Variants in DOCK3 observed in about 807,000 individuals in gnomAD.
DOCK3 encodes dedicator of cytokinesis 3, also known as dedicator of cytokinesis protein 3.
DOCK3 carries 60 observed loss-of-function variants against 265.6 expected under a neutral mutation model. The observed-to-expected ratio is 0.23, with a 90% CI of 0.18 to 0.28. DOCK3 has a LOEUF of 0.28. DOCK3 is among the 10% of genes least tolerant of loss of function. The pLI, the probability that DOCK3 is intolerant of heterozygous loss-of-function variation, is 1.00. For synonymous variants in DOCK3, 881 were observed against 938.0 expected (o/e 0.94, Z 1.11); for missense variants, 1,981 against 2,594.3 (o/e 0.76, Z 5.14).
intron 5 of DOCK3, among the ~76,000 whole-genome samples, chr3:51,046,705 A>G (rs1272278846): frequency 6.6e-6 from 1 of 152,156 alleles, no homozygotes; most frequent in African/African-American, 2.4e-5. Flanking sequence ...AGCAGTCCTG[A>G]ACAACAGTAT....
intron 5 of DOCK3, among the ~76,000 whole-genome samples, chr3:51,033,902 G>A (rs1282467247): frequency 6.6e-6 from 1 of 152,136 alleles, no homozygotes; most frequent in Non-Finnish European, 1.5e-5. Context: ...TAAGCTTTTT[G>A]TAAAGCATCA....
intron 21 of DOCK3, among the ~76,000 whole-genome samples, chr3:51,245,902 C>T (rs986750865): frequency 7.9e-5 from 12 of 152,012 alleles, no homozygotes; most frequent in East Asian, 3.9e-4. Context: ...TTGAAAAGAA[C>T]GTGACACAGG....
At chr3:50,907,510 G>A (rs1421651634) in intron 4 of DOCK3, among the ~76,000 whole-genome samples, 2 of 152,024 alleles carry the variant, frequency 1.3e-5, no homozygotes, top group East Asian at 3.9e-4. Context: ...TTATGTAATA[G>A]CCTTCTTTGT....
chr3:51,245,493 C>T lies in DOCK3; in HGVS notation c.2103-1233C>T, dbSNP rs144430954. On this transcript the variant is annotated intron_variant, in intron 21 of 52. Coordinates refer to ENST00000266037, the MANE Select transcript of DOCK3 (RefSeq NM_004947.5). ...GCAACCTCCGCCTCCTGGGTTCACACGATTCTTCTGCCTCAGCTTCCCAAG... is the reference window on the plus strand; with the variant it reads ...GCAACCTCCGCCTCCTGGGTTCACATGATTCTTCTGCCTCAGCTTCCCAAG... Among the ~76,000 whole-genome samples, 66 of 150,628 alleles carry T rather than the reference C, an allele frequency of 4.4e-4. No homozygotes were observed. In the East Asian group the frequency reaches 9.1e-3, roughly 21 times the overall value.
At chr3:51,198,500 C>T (rs959481619) in intron 12 of DOCK3, among the ~76,000 whole-genome samples, 2 of 150,108 alleles carry the variant, frequency 1.3e-5, no homozygotes, top group African/African-American at 4.9e-5. Context: ...GCCACTTGGG[C>T]CTCTTAGAGC....
At chr3:51,194,215 A>G (rs1057207230) in intron 12 of DOCK3, among the ~76,000 whole-genome samples, 1 of 152,008 alleles carries the variant, frequency 6.6e-6, no homozygotes, top group African/African-American at 2.4e-5. Context: ...GTAGTTTCCA[A>G]AGTTCCTCTT....
intron 1 of DOCK3, among the ~76,000 whole-genome samples, chr3:50,744,181 A>C (rs2675802): frequency 6.6e-6 from 1 of 152,120 alleles, no homozygotes; most frequent in Non-Finnish European, 1.5e-5. Flanking sequence ...ATATGAAAAC[A>C]TTATAAGACA....
At chr3:51,269,341 G>T (rs1342860319) in intron 23 of DOCK3, among the ~76,000 whole-genome samples, 1 of 151,924 alleles carries the variant, frequency 6.6e-6, no homozygotes, top group Non-Finnish European at 1.5e-5. Context: ...GAGAGCAAAT[G>T]AGTTACTGTT....
At chr3:50,706,365 A>C (rs1205639142) in intron 1 of DOCK3, among the ~76,000 whole-genome samples, 2 of 152,210 alleles carry the variant, frequency 1.3e-5, no homozygotes, top group East Asian at 3.8e-4. Context: ...TTTGCTGAAT[A>C]TAGTATTGTT....
At chr3:50,858,063 T>C (rs1292251803) in intron 3 of DOCK3, among the ~76,000 whole-genome samples, 1 of 152,160 alleles carries the variant, frequency 6.6e-6, no homozygotes, top group East Asian at 1.9e-4. Context: ...ATTAAGAATA[T>C]GTGGCACATA....
At chr3:51,138,920 A>G (rs946558364) in intron 9 of DOCK3, among the ~76,000 whole-genome samples, 10 of 152,188 alleles carry the variant, frequency 6.6e-5, no homozygotes, top group African/African-American at 2.2e-4. Context: ...AGTTAGATCA[A>G]CTTCTGTAAC....
chr3:51,308,056 G>A (rs567104831), intron 27 of DOCK3, among the ~76,000 whole-genome samples: 8 of 151,822 alleles, frequency 5.3e-5, no homozygotes, highest in Non-Finnish European at 1.2e-4. Flanking sequence ...TTTTGTAGGA[G>A]TTCCAAAACC....
chr3:51,176,469 A>AAT (rs1553779580), intron 12 of DOCK3, among the ~76,000 whole-genome samples: 22 of 151,814 alleles, frequency 1.4e-4, no homozygotes, highest in African/African-American at 4.1e-4. Flanking sequence ...ATAAAAAAAA[A>AAT]AAAAAAATTA....
chr3:51,309,148 C>G (rs1165596050), intron 27 of DOCK3, among the ~76,000 whole-genome samples: 1 of 152,048 alleles, frequency 6.6e-6, no homozygotes, highest in East Asian at 1.9e-4. Flanking sequence ...AATGGGCAGC[C>G]AGGCAGAGAC....
intron 12 of DOCK3, among the ~76,000 whole-genome samples, chr3:51,196,647 T>G (rs1322188472): frequency 6.6e-6 from 1 of 152,246 alleles, no homozygotes; most frequent in African/African-American, 2.4e-5. Flanking sequence ...TCTGAGATTC[T>G]TCTGCCTATT....
chr3:50,853,582 T>C (rs1294600164), intron 3 of DOCK3, among the ~76,000 whole-genome samples: 1 of 152,096 alleles, frequency 6.6e-6, no homozygotes, highest in Non-Finnish European at 1.5e-5. Flanking sequence ...TCTGTTTCTG[T>C]GTTATTTCAT....
chr3:50,675,519 T>G lies in DOCK3; in HGVS notation c.37+219T>G, dbSNP rs916820108. Among the ~76,000 whole-genome samples, 1 of 151,478 alleles carries G rather than the reference T, an allele frequency of 6.6e-6. No homozygotes were observed. Among genetic ancestry groups the G allele is most frequent in the Admixed American group, 6.6e-5 (1 of 15,228 alleles). On this transcript the variant is annotated intron_variant, in intron 1 of 52. Transcript: ENST00000266037. This position sits in a 1 kb window ranked among gnomAD's most constrained non-coding sequence, Gnocchi z 6.1. Reference sequence around the variant, plus strand: ...AGAGGGCGGCAGGGGGCGCTGGCGGTGCGGCCTTGGCAGGTGCGGCCCGCG... The same window carrying G: ...AGAGGGCGGCAGGGGGCGCTGGCGGGGCGGCCTTGGCAGGTGCGGCCCGCG...
At chr3:50,794,107 T>C (rs1370118725) in intron 2 of DOCK3, among the ~76,000 whole-genome samples, 1 of 152,202 alleles carries the variant, frequency 6.6e-6, no homozygotes, top group Non-Finnish European at 1.5e-5. Flanking sequence ...GTGGTTGTTA[T>C]GATTTCACTT....
chr3:50,745,372 T>A (rs1381897519), intron 1 of DOCK3, among the ~76,000 whole-genome samples: 1 of 152,122 alleles, frequency 6.6e-6, no homozygotes, highest in Non-Finnish European at 1.5e-5. Context: ...GGGGTTGCAT[T>A]GAATCTGTAA....
Sources: gnomAD v4.1 joint callset for allele counts (sites outside exome capture counted in the v4.1 genomes callset) on GRCh38, gnomAD v4.1.1 for gene constraint, Gnocchi (gnomAD v3.1) non-coding constraint, MANE v1.5 for transcripts, NCBI Gene and HGNC (gene_info 2026-07-23, HGNC 2026-07-21) for gene names.